The following C12orf42 variants were observed in gnomAD, a reference collection of about 807,000 sequenced individuals.
The protein encoded by C12orf42 is chromosome 12 open reading frame 42.
Under a neutral mutation model 21.6 loss-of-function variants are expected in C12orf42, and 25 were observed. The observed-to-expected ratio is 1.16, with a 90% CI of 0.84 to 1.62. The LOEUF (loss-of-function observed/expected upper bound fraction) is 1.62, where lower values mean the gene tolerates loss of function less well. Among genes scored for constraint, C12orf42 ranks in the 40% most tolerant of loss-of-function variants. The probability of loss-of-function intolerance (pLI) is 0.00; values close to 1 mark genes in which losing one functional copy is unlikely to be tolerated. For synonymous variants in C12orf42, 174 were observed against 175.0 expected, an observed-to-expected ratio of 0.99 and a Z score of 0.05; for missense variants, 483 against 459.3, an observed-to-expected ratio of 1.05 and a Z score of -0.47.
chr12:103,405,277 T>A (rs1390836055), intron 2 of C12orf42, among the ~76,000 whole-genome samples: 1 of 152,222 alleles, frequency 6.6e-6, no homozygotes, highest in Non-Finnish European at 1.5e-5. Context: ...AACAGAAATG[T>A]TAGTATAAAA....
At chr12:103,158,921 A>AT in the C12orf42 span, among the ~76,000 whole-genome samples, 2 of 151,860 alleles carry the variant, frequency 1.3e-5, no homozygotes, top group East Asian at 1.9e-4. Flanking sequence ...CCTAAAGCTG[A>AT]TTTTTTACAT....
At chr12:103,225,772 A>T in the C12orf42 span, among the ~76,000 whole-genome samples, 1 of 152,188 alleles carries the variant, frequency 6.6e-6, no homozygotes, top group African/African-American at 2.4e-5. Flanking sequence ...AATACCCACA[A>T]CAGTTATGGA....
intron 1 of C12orf42, among the ~76,000 whole-genome samples, chr12:103,487,065 T>A (rs184223649): frequency 4.0e-4 from 61 of 152,342 alleles, no homozygotes; most frequent in African/African-American, 1.3e-3. Flanking sequence ...TGATTTTAGA[T>A]CTTTCCTGCT....
At chr12:103,359,047 C>G (rs1457550381) in intron 4 of C12orf42, among the ~76,000 whole-genome samples, 1 of 152,056 alleles carries the variant, frequency 6.6e-6, no homozygotes, top group Non-Finnish European at 1.5e-5. Flanking sequence ...ACACTGGTCT[C>G]TTTTCTAATT....
At chr12:103,560,129 CTA>C in the C12orf42 span, among the ~76,000 whole-genome samples, 2 of 152,188 alleles carry the variant, frequency 1.3e-5, no homozygotes, top group Non-Finnish European at 2.9e-5. Context: ...TTCTCAAACT[CTA>C]TGAGTTAAAT....
Position 103,339,344 on chromosome 12 carries a change from G to A in C12orf42, c.259+29543C>T, listed in dbSNP as rs141688992. ...TACCCATTAGTTATTTCTCCCCATC[G>A]TCTCCCTCCTTCTACCCTCCACCCT... On this transcript the variant is annotated intron_variant, in intron 4 of 5. Transcript: ENST00000548883. Among the ~76,000 whole-genome samples, 27 of 152,080 alleles carry A rather than the reference G, an allele frequency of 1.8e-4. No homozygotes were observed. The East Asian group carries it at 2.3e-3, about 13-fold the overall frequency.
intron 1 of C12orf42, among the ~76,000 whole-genome samples, chr12:103,491,993 G>T (rs759480567): frequency 6.6e-6 from 1 of 151,830 alleles, no homozygotes; most frequent in Non-Finnish European, 1.5e-5. Context: ...GTCTCACTCT[G>T]TCACCCAGGT....
intron 4 of C12orf42, among the ~76,000 whole-genome samples, chr12:103,308,704 G>A (rs573624495): frequency 2.6e-5 from 4 of 152,320 alleles, no homozygotes; most frequent in African/African-American, 9.6e-5. Context: ...CTAGCTTGCT[G>A]TGATATAAAT....
At chr12:103,434,844 A>G (rs1251908592) in intron 2 of C12orf42, among the ~76,000 whole-genome samples, 1 of 152,240 alleles carries the variant, frequency 6.6e-6, no homozygotes, top group Non-Finnish European at 1.5e-5. Flanking sequence ...GCCGTTGCCC[A>G]GGCTTGCTTA....
chr12:103,084,958 A>G, the C12orf42 span, among the ~76,000 whole-genome samples: 1 of 152,222 alleles, frequency 6.6e-6, no homozygotes, highest in Non-Finnish European at 1.5e-5. Flanking sequence ...CTACAGGTTT[A>G]CCAAGAGGGC....
At chr12:103,464,412 TGG>T (rs1555208725) in intron 2 of C12orf42, among the ~76,000 whole-genome samples, 5 of 51,458 alleles carry the variant, frequency 9.7e-5, no homozygotes, top group African/African-American at 3.0e-4. Flanking sequence ...CACTTTTTAA[TGG>T]GGTTTTTTTT....
At chr12:103,276,117 G>T (rs898631817) in intron 5 of C12orf42, among the ~76,000 whole-genome samples, 1 of 152,042 alleles carries the variant, frequency 6.6e-6, no homozygotes, top group Non-Finnish European at 1.5e-5. Context: ...TACTAAAAAA[G>T]AAAAATTGCA....
intron 10 of C12orf42, among the ~76,000 whole-genome samples, chr12:103,249,077 G>A (rs1257806445): frequency 1.3e-5 from 2 of 152,006 alleles, no homozygotes; most frequent in Non-Finnish European, 2.9e-5. Flanking sequence ...TGACCACAGA[G>A]TGGAGGGAGG....
the C12orf42 span, among the ~76,000 whole-genome samples, chr12:103,176,643 A>C: frequency 1.3e-5 from 2 of 152,278 alleles, no homozygotes; most frequent in East Asian, 1.9e-4. Flanking sequence ...AGGCACAGAG[A>C]GTTTCACCTC....
the C12orf42 span, among the ~76,000 whole-genome samples, chr12:103,075,383 G>T: frequency 6.6e-6 from 1 of 152,206 alleles, no homozygotes; most frequent in African/African-American, 2.4e-5. Context: ...TAGATCAAGA[G>T]TTGGTTCCAA....
intron 4 of C12orf42, among the ~76,000 whole-genome samples, chr12:103,286,284 A>G (rs1229040646): frequency 2.0e-5 from 3 of 150,610 alleles, no homozygotes; most frequent in Admixed American, 1.3e-4. Flanking sequence ...AAATAAATAA[A>G]TAAATAAATA....
intron 3 of C12orf42, among the ~76,000 whole-genome samples, chr12:103,372,844 T>C (rs934547265): frequency 2.6e-5 from 4 of 152,196 alleles, no homozygotes; most frequent in African/African-American, 7.2e-5. Context: ...TGTTGATTCA[T>C]TGATACATTT....
At chr12:103,214,728 A>T in the C12orf42 span, among the ~76,000 whole-genome samples, 1 of 152,188 alleles carries the variant, frequency 6.6e-6, no homozygotes, top group African/African-American at 2.4e-5. Flanking sequence ...TCCACTGAAA[A>T]TCCCAAGAGA....
the C12orf42 span, among the ~76,000 whole-genome samples, chr12:103,114,017 G>C: frequency 3.3e-5 from 5 of 152,062 alleles, no homozygotes; most frequent in South Asian, 1.0e-3. Flanking sequence ...ACAATTGGTT[G>C]ATTGATTTAC....
Sources: gnomAD v4.1 joint callset for allele counts (sites outside exome capture counted in the v4.1 genomes callset) on GRCh38, gnomAD v4.1.1 for gene constraint, MANE v1.5 for transcripts, NCBI Gene and HGNC (gene_info 2026-07-23, HGNC 2026-07-21) for gene names.